The following CAV2 variants were observed in gnomAD, a reference collection of about 807,000 sequenced individuals.
The protein encoded by CAV2 is caveolin-2.
A neutral mutation model predicts 15.5 loss-of-function variants in CAV2; 7 were observed. That is an observed-to-expected ratio of 0.45 (90% CI 0.26 to 0.85). The LOEUF (loss-of-function observed/expected upper bound fraction) is 0.85, where lower values mean the gene tolerates loss of function less well. CAV2 is among the 40% of genes least tolerant of loss of function. CAV2 has a pLI of 0.18. For synonymous variants in CAV2, 76 were observed against 83.1 expected (o/e 0.91, Z 0.46); for missense variants, 229 against 208.8 (o/e 1.10, Z -0.60).
intron 1 of CAV2, 130 bp downstream of exon 1, chr7:116,500,061 C>T (rs1257254728): frequency 1.4e-6 from 2 of 1,474,380 alleles, no homozygotes; most frequent in Non-Finnish European, 1.8e-6. Context: ...CCGCACCCTT[C>T]CCCGGTCCCA....
intron 2 of CAV2, chr7:116,500,704 G>A: frequency 2.2e-6 from 1 of 449,610 alleles, no homozygotes; most frequent in Non-Finnish European, 3.9e-6. Context: ...CATAAGGCTG[G>A]GCTGAGTGTG....
intron 1 of CAV2, 101 bp from the exon 2 acceptor site, chr7:116,500,159 T>C: frequency 1.3e-6 from 2 of 1,518,442 alleles, no homozygotes; most frequent in Non-Finnish European, 8.8e-7. Flanking sequence ...GCGGACGCCC[T>C]GGCACGTCCT....
At chr7:116,503,163 A>G (rs1017830122) in intron 2 of CAV2, among the ~76,000 whole-genome samples, 6 of 148,552 alleles carry the variant, frequency 4.0e-5, no homozygotes, top group Non-Finnish European at 5.9e-5. Context: ...ATATATTAAT[A>G]TATATAATAT....
At chr7:116,500,779 T>A (rs544381319) in intron 2 of CAV2, 6 of 280,052 alleles carry the variant, frequency 2.1e-5, no homozygotes, top group Admixed American at 1.9e-4. Flanking sequence ...TTGTGACTCG[T>A]ACCTGCGGTT....
intron 2 of CAV2, among the ~76,000 whole-genome samples, chr7:116,503,352 T>C (rs1793145691): frequency 6.6e-6 from 1 of 151,930 alleles, no homozygotes; most frequent in South Asian, 2.1e-4. Flanking sequence ...GGAACACAAG[T>C]AAACAAAAAT....
chr7:116,502,181 T>A (rs1259935240), intron 2 of CAV2, among the ~76,000 whole-genome samples: 1 of 152,166 alleles, frequency 6.6e-6, no homozygotes, highest in Non-Finnish European at 1.5e-5. Context: ...AAAAAAAGTT[T>A]CTCATTTACT....
At position 116,500,314 on chromosome 7, in the gene CAV2, G is replaced by T; in HGVS notation, c.205G>T (p.Val69Leu). The T allele has an allele frequency of 1.2e-6, 2 of 1,614,246 alleles. No individual in the cohort carries two copies. Among genetic ancestry groups the T allele is most frequent in the Non-Finnish European group, 1.7e-6 (2 of 1,180,042 alleles). Residue 69 changes from valine (V) to leucine (L), a missense_variant, in exon 2 of 3, where the codon GTG becomes TTG. By Grantham distance (32) the Val-to-Leu change is conservative (BLOSUM62 1). Transcript: ENST00000222693. ...EPVTTHSFDK[V>L]WICSHALFEI... ...GGTGACTACGCACTCCTTTGACAAA[G>T]TGTGGATCTGCAGCCATGCCCTCTT...
At chr7:116,505,537 A>G (rs1390884898) in intron 2 of CAV2, among the ~76,000 whole-genome samples, 1 of 152,120 alleles carries the variant, frequency 6.6e-6, no homozygotes, top group Non-Finnish European at 1.5e-5. Flanking sequence ...TTAGGCAAGG[A>G]CCTCAGGAAG....
chr7:116,502,410 C>T (rs1793125110), intron 2 of CAV2, among the ~76,000 whole-genome samples: 1 of 152,010 alleles, frequency 6.6e-6, no homozygotes, highest in African/African-American at 2.4e-5. Context: ...AACTGTAAAA[C>T]ATTTGTCACC....
At chr7:116,504,157 A>G (rs1341801362) in intron 2 of CAV2, among the ~76,000 whole-genome samples, 5 of 152,122 alleles carry the variant, frequency 3.3e-5, no homozygotes, top group Non-Finnish European at 2.9e-5. Flanking sequence ...TCATCTTGTT[A>G]TAGTTATTTT....
At chr7:116,500,808 T>C in intron 2 of CAV2, 1 of 211,804 alleles carries the variant, frequency 4.7e-6, no homozygotes, top group East Asian at 1.1e-4. Context: ...GACTCTTCTT[T>C]CTTTCATTGC....
At position 116,508,457 on chromosome 7, in the gene CAV2, A is replaced by G. The variant is rs1487158544; in HGVS notation, c.*2336A>G. On this transcript the variant is annotated 3_prime_UTR_variant, in exon 3 of 3. Coordinates refer to ENST00000222693, the MANE Select transcript of CAV2 (RefSeq NM_001233.5). Reference sequence around the variant, plus strand: ...AAGTAAATCCAGGCTTTATGTACAAACATGTTGTTTGTTTTATTTGGGGCT... The same window carrying G: ...AAGTAAATCCAGGCTTTATGTACAAGCATGTTGTTTGTTTTATTTGGGGCT... 6.6e-6 allele frequency: 1 copy of G among 152,126 alleles called. No homozygotes were observed. The highest frequency in any genetic ancestry group is 1.5e-5 in the Non-Finnish European group (1 of 68,002). The allele number at this position is 152,126 out of a possible 1,614,324, so 9.4% of individuals were successfully genotyped here.
intron 2 of CAV2, among the ~76,000 whole-genome samples, chr7:116,504,448 A>G (rs772514226): frequency 9.9e-5 from 15 of 152,236 alleles, no homozygotes; most frequent in Non-Finnish European, 1.9e-4. Flanking sequence ...AAAGTGTTTC[A>G]TGTATTTAGC....
chr7:116,503,923 AAGGGAGGGAGGG>A (rs869037328), intron 2 of CAV2, among the ~76,000 whole-genome samples: 1 of 53,268 alleles, frequency 1.9e-5, no homozygotes, highest in Admixed American at 2.2e-4. Context: ...GGAAGGAAGG[AAGGGAGGGAGGG>A]AGGGAGGGAG....
chr7:116,503,176 ATATAT>A (rs1379714291), intron 2 of CAV2, among the ~76,000 whole-genome samples: 3 of 148,766 alleles, frequency 2.0e-5, no homozygotes, highest in Non-Finnish European at 4.5e-5. Flanking sequence ...TATAATATAT[ATATAT>A]TATAAGATTT....
intron 2 of CAV2, chr7:116,500,749 A>G (rs1395634350): frequency 3.0e-6 from 1 of 332,708 alleles, no homozygotes; most frequent in Non-Finnish European, 5.5e-6. Flanking sequence ...TTCTTACCAC[A>G]GGCTGCTCTC....
At chr7:116,505,922 T>C (rs751430268) in intron 2 of CAV2, 49 bp from the exon 3 acceptor site, 2 of 1,347,260 alleles carry the variant, frequency 1.5e-6, no homozygotes, top group African/African-American at 2.9e-5. Context: ...AGACAGACCT[T>C]ATTTGGTAAC....
rs763238511 is a variant in CAV2, at chr7:116,500,348, G to T, written c.239G>T (p.Ser80Ile). The T allele has an allele frequency of 8.1e-6, 13 of 1,613,964 alleles. No homozygotes were observed. Among genetic ancestry groups the T allele is most frequent in the Non-Finnish European group, 1.0e-5 (12 of 1,179,968 alleles). ...WICSHALFEI[S>I]KYVMYKFLTV... ...TGCAGCCATGCCCTCTTTGAAATCA[G>T]CAAATACGTAATGTACAAGTTCCTG... Residue 80 changes from serine to isoleucine, a missense_variant, in exon 2 of 3, where the codon AGC becomes ATC. Transcript: ENST00000222693.
At position 116,505,955 on chromosome 7, in the gene CAV2, T is replaced by TCTTC; in HGVS notation, c.339-6_339-3dup. On this transcript the variant is annotated splice_polypyrimidine_tract_variant and intron_variant, in intron 2 of 2. Coordinates refer to ENST00000222693, the MANE Select transcript of CAV2 (RefSeq NM_001233.5). Reference sequence around the variant, plus strand: ...AACAGCAACAATCCTCACACATCTCTCTTCCTTCCTTCCAGGATTTTAATG... The same window carrying TCTTC: ...AACAGCAACAATCCTCACACATCTCTCTTCCTTCCTTCCTTCCAGGATTTTAATG... 1 of 1,596,724 alleles carries TCTTC rather than the reference T, an allele frequency of 6.3e-7. No homozygotes were observed. Among genetic ancestry groups the TCTTC allele is most frequent in the Non-Finnish European group, 8.6e-7 (1 of 1,165,088 alleles).
Sources: allele counts gnomAD v4.1 joint callset (sites outside exome capture counted in the v4.1 genomes callset), GRCh38; gene constraint gnomAD v4.1.1; transcripts MANE v1.5; gene names NCBI Gene and HGNC (gene_info 2026-07-23, HGNC 2026-07-21).